The following P2RY14 variants were observed in gnomAD, a reference collection of about 807,000 sequenced individuals.
P2RY14 encodes the protein P2Y purinoceptor 14.
In P2RY14, 2 loss-of-function variants were observed where a neutral mutation model predicts 0.9. The observed-to-expected ratio is 2.16, with a 90% CI of 0.88 to 6.79. The LOEUF is 6.79. Ranked by LOEUF, P2RY14 falls within the 30% of genes most tolerant of loss-of-function variation. P2RY14 has a pLI of 0.05. For synonymous variants in P2RY14, 158 were observed against 147.2 expected, an observed-to-expected ratio of 1.07 and a Z score of -0.53; for missense variants, 378 against 400.1, an observed-to-expected ratio of 0.94 and a Z score of 0.47.
intron 1 of P2RY14, among the ~76,000 whole-genome samples, chr3:151,240,102 AT>A (rs1465568580): frequency 2.6e-5 from 4 of 151,390 alleles, no homozygotes; most frequent in African/African-American, 9.7e-5. Context: ...CTGACCTGTA[AT>A]TCCAGGCTCC....
At chr3:151,247,714 A>T (rs1437480972) in intron 1 of P2RY14, among the ~76,000 whole-genome samples, 1 of 149,970 alleles carries the variant, frequency 6.7e-6, no homozygotes, top group Non-Finnish European at 1.5e-5. Flanking sequence ...ATACATATGT[A>T]ACTAACCTGC....
Position 151,271,353 on chromosome 3 carries a change from T to A in P2RY14, c.-133+6934A>T, listed in dbSNP as rs62282990. On this transcript the variant is annotated intron_variant, in intron 1 of 2. Coordinates refer to ENST00000309170, the MANE Select transcript of P2RY14 (RefSeq NM_014879.4). ...ATTAGAATGGAAAAAAACTTGACAA[T>A]GTTAAGAATTGACGAGGAAATAGAA... Among the ~76,000 whole-genome samples the A allele has an allele frequency of 6.1e-3, 926 of 152,282 alleles. 31 individuals are homozygous for A. In the East Asian group the frequency reaches 0.092, roughly 15 times the overall value.
chr3:151,236,200 G>T (rs1732757491), intron 1 of P2RY14, among the ~76,000 whole-genome samples: 1 of 152,128 alleles, frequency 6.6e-6, no homozygotes, highest in African/African-American at 2.4e-5. Flanking sequence ...ATTTCAGAAT[G>T]AACTTACTTA....
intron 1 of P2RY14, among the ~76,000 whole-genome samples, chr3:151,225,737 A>T (rs551216728): frequency 6.6e-6 from 1 of 152,010 alleles, no homozygotes; most frequent in African/African-American, 2.4e-5. Flanking sequence ...CAGAAGAAGG[A>T]ACTCTCCCAC....
chr3:151,259,152 C>T (rs1456266994), intron 1 of P2RY14, among the ~76,000 whole-genome samples: 1 of 152,216 alleles, frequency 6.6e-6, no homozygotes, highest in African/African-American at 2.4e-5. Flanking sequence ...GGTGGTGCCT[C>T]TGCATATTTC....
chr3:151,235,891 G>T (rs754058117), intron 1 of P2RY14, among the ~76,000 whole-genome samples: 2 of 151,876 alleles, frequency 1.3e-5, no homozygotes, highest in Non-Finnish European at 2.9e-5. Flanking sequence ...CCCCTATGTC[G>T]CATTCTCTAG....
intron 1 of P2RY14, among the ~76,000 whole-genome samples, chr3:151,267,663 T>C (rs914072440): frequency 2.0e-5 from 3 of 152,250 alleles, no homozygotes; most frequent in Middle Eastern, 3.4e-3. Context: ...GAGAGTAATA[T>C]CTTGTAACAT....
At chr3:151,221,723 G>A (rs910929216) in intron 1 of P2RY14, among the ~76,000 whole-genome samples, 1 of 152,242 alleles carries the variant, frequency 6.6e-6, no homozygotes, top group East Asian at 1.9e-4. Context: ...ATGCCTGGAT[G>A]TCCAGGCAGA....
intron 1 of P2RY14, among the ~76,000 whole-genome samples, chr3:151,274,324 T>C (rs967909529): frequency 6.6e-6 from 1 of 152,218 alleles, no homozygotes; most frequent in Non-Finnish European, 1.5e-5. Flanking sequence ...TGTATCAAAC[T>C]CAGTGATAAC....
At chr3:151,273,024 A>G (rs1741239302) in intron 1 of P2RY14, among the ~76,000 whole-genome samples, 1 of 152,170 alleles carries the variant, frequency 6.6e-6, no homozygotes, top group Admixed American at 6.5e-5. Context: ...ATTTCAGATT[A>G]GGGATTCTCA....
chr3:151,272,189 G>A (rs1741075176), intron 1 of P2RY14, among the ~76,000 whole-genome samples: 1 of 152,210 alleles, frequency 6.6e-6, no homozygotes, highest in South Asian at 2.1e-4. Flanking sequence ...AGGCTTTCTG[G>A]ACAATAGATG....
chr3:151,238,108 C>G (rs1351576475), intron 1 of P2RY14, among the ~76,000 whole-genome samples: 1 of 151,824 alleles, frequency 6.6e-6, no homozygotes, highest in Non-Finnish European at 1.5e-5. Context: ...CTTTTCTGTC[C>G]TAAAGTTTAG....
chr3:151,239,835 C>G (rs777216801), intron 1 of P2RY14, among the ~76,000 whole-genome samples: 21 of 152,266 alleles, frequency 1.4e-4, no homozygotes, highest in Non-Finnish European at 2.8e-4. Flanking sequence ...TTATACTGGA[C>G]TGTCTATAAA....
At chr3:151,238,808 A>G (rs1207809676) in intron 1 of P2RY14, among the ~76,000 whole-genome samples, 1 of 152,252 alleles carries the variant, frequency 6.6e-6, no homozygotes, top group Non-Finnish European at 1.5e-5. Context: ...TTAATTATGT[A>G]TAAAGTACAT....
chr3:151,267,813 C>T (rs1047426279), intron 1 of P2RY14, among the ~76,000 whole-genome samples: 9 of 152,128 alleles, frequency 5.9e-5, no homozygotes, highest in Non-Finnish European at 8.8e-5. Context: ...AGGAACCTTG[C>T]TAAAACATGG....
intron 1 of P2RY14, among the ~76,000 whole-genome samples, chr3:151,259,643 G>A: frequency 6.6e-6 from 1 of 152,140 alleles, no homozygotes; most frequent in South Asian, 2.1e-4. Context: ...CTCAAGATAG[G>A]TAGGTTTTAC....
chr3:151,248,527 A>G (rs184536027), intron 1 of P2RY14, among the ~76,000 whole-genome samples: 3 of 152,124 alleles, frequency 2.0e-5, no homozygotes, highest in Admixed American at 1.3e-4. Flanking sequence ...GTACTGGTCC[A>G]CTTTATCATA....
chr3:151,218,303 T>C (rs1259269196), intron 2 of P2RY14, among the ~76,000 whole-genome samples: 1 of 152,160 alleles, frequency 6.6e-6, no homozygotes, highest in African/African-American at 2.4e-5. Context: ...AGAGGAGAGA[T>C]AGGCAACAGA....
chr3:151,248,179 A>G (rs1736119160), intron 1 of P2RY14, among the ~76,000 whole-genome samples: 7 of 152,076 alleles, frequency 4.6e-5, no homozygotes, highest in Admixed American at 4.6e-4. Context: ...CGCTCAGAGG[A>G]AGCAATCAGA....
Sources: gnomAD v4.1 joint callset for allele counts (sites outside exome capture counted in the v4.1 genomes callset) on GRCh38, gnomAD v4.1.1 for gene constraint, MANE v1.5 for transcripts, NCBI Gene and HGNC (gene_info 2026-07-23, HGNC 2026-07-21) for gene names.